The following BPIFB1 variants were observed in gnomAD, a reference collection of about 807,000 sequenced individuals.
BPIFB1 encodes the protein BPI fold-containing family B member 1.
In BPIFB1, 34 loss-of-function variants were observed where a neutral mutation model predicts 55.1. The ratio of observed to expected loss-of-function variants is 0.62; its 90% CI spans 0.47 to 0.82. BPIFB1 has a LOEUF of 0.82. Among genes scored for constraint, BPIFB1 ranks in the 40% least tolerant of loss-of-function variants. The pLI is 0.00. For synonymous variants in BPIFB1, 236 were observed against 245.3 expected, an observed-to-expected ratio of 0.96 and a Z score of 0.35; for missense variants, 532 against 593.1, an observed-to-expected ratio of 0.90 and a Z score of 1.07.
At chr20:33,301,864 C>T (rs1027708081) in intron 9 of BPIFB1, among the ~76,000 whole-genome samples, 2 of 152,144 alleles carry the variant, frequency 1.3e-5, no homozygotes, top group African/African-American at 2.4e-5. Context: ...AGGGCACAGC[C>T]GATAACCACC....
intron 15 of BPIFB1, among the ~76,000 whole-genome samples, chr20:33,308,129 A>G (rs1981096198): frequency 6.6e-6 from 1 of 152,088 alleles, no homozygotes; most frequent in South Asian, 2.1e-4. Context: ...AAGGGGTGGG[A>G]GGTGCTACAC....
At chr20:33,300,033 C>A in intron 8 of BPIFB1, 49 bp downstream of exon 8, 1 of 1,511,078 alleles carries the variant, frequency 6.6e-7, no homozygotes, top group Non-Finnish European at 9.2e-7. Context: ...TGCTGCCCTT[C>A]TCTGACCACC....
chr20:33,284,611 T>C (rs1980205926), intron 1 of BPIFB1, among the ~76,000 whole-genome samples: 1 of 152,136 alleles, frequency 6.6e-6, no homozygotes, highest in African/African-American at 2.4e-5. Flanking sequence ...GCCACATTTG[T>C]CTTTGGCAAA....
chr20:33,288,367 C>G (rs1009523718), intron 2 of BPIFB1, among the ~76,000 whole-genome samples: 1 of 152,178 alleles, frequency 6.6e-6, no homozygotes, highest in Non-Finnish European at 1.5e-5. Context: ...GCAAAACAGC[C>G]CCAAACAGAG....
At chr20:33,307,633 G>A (rs765983849) in intron 15 of BPIFB1, 2 of 152,494 alleles carry the variant, frequency 1.3e-5, no homozygotes, top group Non-Finnish European at 2.9e-5. Context: ...AATACCTGAG[G>A]CTGGGCTCAG....
chr20:33,305,557 TCTGCCCGC>T (rs1980996919), intron 13 of BPIFB1, among the ~76,000 whole-genome samples: 2 of 152,234 alleles, frequency 1.3e-5, no homozygotes, highest in South Asian at 4.2e-4. Flanking sequence ...GACCTCATGA[TCTGCCCGC>T]CTTGGCCTCC....
intron 5 of BPIFB1, among the ~76,000 whole-genome samples, chr20:33,291,594 C>T (rs1041357977): frequency 1.1e-4 from 17 of 152,328 alleles, no homozygotes; most frequent in African/African-American, 2.4e-4. Flanking sequence ...ACAGTGCACG[C>T]GCATGGTGGT....
rs1166749970 is a variant in BPIFB1, at chr20:33,299,887, G to T, written c.662-12G>T. 4 of 1,613,240 alleles carry T rather than the reference G, an allele frequency of 2.5e-6. No individual in the cohort carries two copies. ...TCCACCCTCACAGAACTTTCTTCTT[G>T]TCCTTGAGCAGTGCCCATTTCCCTC... On this transcript the variant is annotated splice_polypyrimidine_tract_variant and intron_variant, in intron 7 of 15. Coordinates refer to ENST00000253354, the MANE Select transcript of BPIFB1 (RefSeq NM_033197.3).
chr20:33,304,161 T>C, intron 12 of BPIFB1, 136 bp downstream of exon 12: 1 of 726,694 alleles, frequency 1.4e-6, no homozygotes, highest in East Asian at 2.5e-5. Context: ...TCCTTCCGGA[T>C]GCTCCTGCTG....
At chr20:33,289,487 G>A (rs768757915) in intron 3 of BPIFB1, among the ~76,000 whole-genome samples, 44 of 152,006 alleles carry the variant, frequency 2.9e-4, no homozygotes, top group Non-Finnish European at 4.9e-4. Context: ...CAGTGGAGCC[G>A]ATGACTCAAT....
At chr20:33,285,932 C>G in intron 1 of BPIFB1, 101 bp from the exon 2 acceptor site, 1 of 687,028 alleles carries the variant, frequency 1.5e-6, no homozygotes, top group Admixed American at 2.5e-5. Context: ...CAGTTAAACA[C>G]TGCACTCAAC....
At chr20:33,295,645 G>GAAGAAAGAAAGAGAGAAAGAAAGA (rs1555797813) in intron 6 of BPIFB1, among the ~76,000 whole-genome samples, 1 of 125,386 alleles carries the variant, frequency 8.0e-6, no homozygotes, top group African/African-American at 4.3e-5. Context: ...AAAGAGAGAA[G>GAAGAAAGAAAGAGAGAAAGAAAGA]AAGAAAGAAA....
intron 4 of BPIFB1, 25 bp from the exon 5 acceptor site, chr20:33,290,932 A>G: frequency 1.2e-6 from 2 of 1,611,202 alleles, no homozygotes; most frequent in Non-Finnish European, 1.7e-6. Context: ...TGGTGCTCAC[A>G]TGGTCAGGTG....
At chr20:33,290,768 C>T (rs1049381434) in intron 4 of BPIFB1, among the ~76,000 whole-genome samples, 189 bp from the exon 5 acceptor site, 8 of 152,176 alleles carry the variant, frequency 5.3e-5, no homozygotes, top group African/African-American at 1.4e-4. Flanking sequence ...AGACGAAAGA[C>T]GTTTCAACCA....
chr20:33,294,887 G>T (rs906531916), intron 6 of BPIFB1, among the ~76,000 whole-genome samples: 1 of 152,182 alleles, frequency 6.6e-6, no homozygotes, highest in East Asian at 1.9e-4. Flanking sequence ...GGCATAGCAC[G>T]TTTAAGAGGT....
At chr20:33,289,406 AAAC>A (rs1568647088) in intron 3 of BPIFB1, among the ~76,000 whole-genome samples, 5 of 151,466 alleles carry the variant, frequency 3.3e-5, no homozygotes, top group African/African-American at 1.2e-4. Flanking sequence ...AAAAAAAAAA[AAAC>A]AACCCAGAGC....
At chr20:33,301,546 G>C in intron 9 of BPIFB1, 134 bp downstream of exon 9, 4 of 771,220 alleles carry the variant, frequency 5.2e-6, no homozygotes, top group Non-Finnish European at 8.0e-6. Flanking sequence ...TCCTCTAATA[G>C]ACCCTGCCTC....
chr20:33,305,779 C>T (rs1316368027), intron 13 of BPIFB1, among the ~76,000 whole-genome samples: 2 of 152,034 alleles, frequency 1.3e-5, no homozygotes, highest in Non-Finnish European at 2.9e-5. Context: ...CCAATGCACC[C>T]CAATCCCCCC....
Position 33,288,898 on chromosome 20 carries a change from C to T in BPIFB1, c.257+16C>T. 2 of 1,609,470 alleles carry T rather than the reference C, an allele frequency of 1.2e-6. No individual in the cohort carries two copies. The highest frequency in any genetic ancestry group is 8.5e-7 in the Non-Finnish European group (1 of 1,178,258). On this transcript the variant is annotated intron_variant, in intron 3 of 15. Transcript: ENST00000253354. ...ACATCATCTGGTGAGTGGAGCAGGA[C>T]CACACCAGGAGCTAGCCCCTTCCCA...
Sources: allele counts gnomAD v4.1 joint callset (sites outside exome capture counted in the v4.1 genomes callset), GRCh38; gene constraint gnomAD v4.1.1; transcripts MANE v1.5; gene names NCBI Gene and HGNC (gene_info 2026-07-23, HGNC 2026-07-21).